RBFOX1: variants seen among roughly 807,000 people sequenced by gnomAD.
RBFOX1 encodes RNA binding protein fox-1 homolog 1.
A neutral mutation model predicts 57.7 loss-of-function variants in RBFOX1; 8 were observed. The ratio of observed to expected loss-of-function variants is 0.14; its 90% confidence interval spans 0.08 to 0.25. The LOEUF is 0.25. RBFOX1 is among the 10% of genes least tolerant of loss of function. RBFOX1 has a pLI of 1.00. For synonymous variants in RBFOX1, 326 were observed against 222.4 expected (o/e 1.47, Z -4.15); for missense variants, 611 against 548.5 (o/e 1.11, Z -1.14).
At chr16:7,010,447 G>C (rs1045198000) in intron 3 of RBFOX1, among the ~76,000 whole-genome samples, 1 of 152,164 alleles carries the variant, frequency 6.6e-6, no homozygotes, top group African/African-American at 2.4e-5. Flanking sequence ...AGTTGACCGA[G>C]TCCGTGAGCA....
At chr16:6,904,869 T>C (rs2069428468) in intron 3 of RBFOX1, among the ~76,000 whole-genome samples, 1 of 152,102 alleles carries the variant, frequency 6.6e-6, no homozygotes, top group South Asian at 2.1e-4. Flanking sequence ...GGGTGAAGTT[T>C]CTCTCTATTA....
At chr16:5,670,568 T>C (rs986967450) in intron 3 of RBFOX1, among the ~76,000 whole-genome samples, 8 of 152,222 alleles carry the variant, frequency 5.3e-5, no homozygotes, top group Non-Finnish European at 1.2e-4. Context: ...TGATACTGCC[T>C]GAGGTCCTGG....
rs71394324 is a variant in RBFOX1 at position 7,589,912 on chromosome 16, G to GGGGTGTGTGT, written c.468+2613_468+2614insGGTGTGTGTG. Reference sequence around the variant, plus strand: ...TCAATGCTGAAGGCTGTGTGTGCTGGGTGTGTGTGTGTGTGTGTGTGTGTG... The same window carrying GGGGTGTGTGT: ...TCAATGCTGAAGGCTGTGTGTGCTGGGGGTGTGTGTGTGTGTGTGTGTGTGTGTGTGTGTG... On this transcript the variant is annotated intron_variant, in intron 7 of 15. Coordinates refer to ENST00000550418, the MANE Select transcript of RBFOX1 (RefSeq NM_018723.4). Among the ~76,000 whole-genome samples, 10 of 135,054 alleles carry GGGGTGTGTGT rather than the reference G, an allele frequency of 7.4e-5. No homozygotes were observed. In the East Asian group the frequency reaches 8.9e-4, roughly 12 times the overall value. The allele number at this position is 135,054 out of a possible 152,430, so 88.6% of individuals were successfully genotyped here.
At chr16:6,426,411 C>G (rs549185256) in intron 2 of RBFOX1, among the ~76,000 whole-genome samples, 1 of 151,868 alleles carries the variant, frequency 6.6e-6, no homozygotes, top group East Asian at 1.9e-4. Context: ...ATGCAGAGGA[C>G]AAGAGGAGGG....
At chr16:6,753,694 C>A (rs2075328559) in intron 3 of RBFOX1, among the ~76,000 whole-genome samples, 2 of 151,278 alleles carry the variant, frequency 1.3e-5, no homozygotes, top group Non-Finnish European at 2.9e-5. Context: ...AAGCCTCGTG[C>A]CCTCCTCCTG....
intron 3 of RBFOX1, among the ~76,000 whole-genome samples, chr16:5,772,458 C>T (rs1241870252): frequency 2.6e-5 from 4 of 152,228 alleles, no homozygotes; most frequent in South Asian, 4.1e-4. Flanking sequence ...ACCTCTTCTG[C>T]ACTCTTGAGT....
At chr16:5,907,721 T>TATCATCATCATC (rs34447124) in intron 4 of RBFOX1, among the ~76,000 whole-genome samples, 9 of 146,116 alleles carry the variant, frequency 6.2e-5, no homozygotes, top group African/African-American at 5.2e-5. Flanking sequence ...GGAGACTATT[T>TATCATCATCATC]ATCATCATCA....
At chr16:7,225,674 C>G (rs537646212) in intron 4 of RBFOX1, among the ~76,000 whole-genome samples, 1 of 141,560 alleles carries the variant, frequency 7.1e-6, no homozygotes, top group African/African-American at 2.7e-5. Context: ...TTAGGTGGCA[C>G]GGGACAGAAA....
chr16:7,660,213 A>G (rs2067362277), intron 12 of RBFOX1, among the ~76,000 whole-genome samples: 1 of 152,186 alleles, frequency 6.6e-6, no homozygotes, highest in Non-Finnish European at 1.5e-5. Context: ...CAAATATTTA[A>G]CTACTGGTAT....
chr16:6,849,960 C>G lies in RBFOX1; in HGVS notation c.-16+195310C>G, dbSNP rs551680587. ...TGGATTAGAAAGCTGGAGACTTTGT[C>G]TTTGAATCTTGCAATACTGTTGATT... On this transcript the variant is annotated intron_variant, in intron 3 of 15. Coordinates refer to ENST00000550418, the MANE Select transcript of RBFOX1 (RefSeq NM_018723.4). Among the ~76,000 whole-genome samples the G allele has an allele frequency of 5.3e-5, 8 of 152,264 alleles. No individual in the cohort carries two copies. In the East Asian group the frequency reaches 1.4e-3, roughly 26 times the overall value.
chr16:6,296,336 C>T (rs1331126007), intron 1 of RBFOX1, among the ~76,000 whole-genome samples: 2 of 152,160 alleles, frequency 1.3e-5, no homozygotes, highest in East Asian at 3.9e-4. Context: ...TTTTCTCTAG[C>T]AGCCTCACTA....
intron 5 of RBFOX1, among the ~76,000 whole-genome samples, chr16:7,540,025 A>G (rs987677726): frequency 2.0e-5 from 3 of 152,200 alleles, no homozygotes; most frequent in Admixed American, 2.0e-4. Flanking sequence ...AAGGTGCCCT[A>G]TAAATTGTAG....
intron 4 of RBFOX1, among the ~76,000 whole-genome samples, chr16:6,011,494 A>T (rs955078833): frequency 6.6e-6 from 1 of 151,980 alleles, no homozygotes; most frequent in Non-Finnish European, 1.5e-5. Flanking sequence ...AAATTTACTT[A>T]TTTTCCTCTG....
intron 4 of RBFOX1, among the ~76,000 whole-genome samples, chr16:7,242,356 C>T (rs73544861): frequency 0.011 from 1,717 of 152,280 alleles, 40 homozygotes; most frequent in African/African-American, 0.04. Context: ...CCTTCTGATG[C>T]AGACAGGTTG....
intron 4 of RBFOX1, among the ~76,000 whole-genome samples, chr16:7,453,700 T>C (rs1396400210): frequency 2.0e-5 from 3 of 152,258 alleles, no homozygotes; most frequent in African/African-American, 7.2e-5. Context: ...GGTGCCTGAG[T>C]GTAAGACAGC....
intron 3 of RBFOX1, among the ~76,000 whole-genome samples, chr16:7,044,243 G>A (rs1413529079): frequency 6.6e-6 from 1 of 152,078 alleles, no homozygotes; most frequent in Non-Finnish European, 1.5e-5. Flanking sequence ...GTAAACAAGT[G>A]GATTCCAAAC....
Position 5,993,324 on chromosome 16 carries a change from A to G in RBFOX1, c.351+125989A>G, listed in dbSNP as rs1274881608. Among the ~76,000 whole-genome samples the G allele has an allele frequency of 2.7e-5, 4 of 149,354 alleles. No individual in the cohort carries two copies. In the East Asian group the frequency reaches 7.9e-4, roughly 29 times the overall value. On this transcript the variant is annotated intron_variant, in intron 4 of 19. Coordinates refer to the RBFOX1 transcript ENST00000641259. ...AGAGAATGTGCCTGTTTGCCTGCCT[A>G]TTTGATAATGCTGTACGTGTGTGTG...
intron 2 of RBFOX1, among the ~76,000 whole-genome samples, chr16:6,501,291 T>TC (rs1451833899): frequency 1.9e-4 from 7 of 37,462 alleles, no homozygotes; most frequent in Non-Finnish European, 1.5e-4. Context: ...CCCTCCCCCC[T>TC]CCCCCCACCC....
chr16:5,325,499 A>C (rs1332730549), intron 1 of RBFOX1, among the ~76,000 whole-genome samples: 1 of 152,218 alleles, frequency 6.6e-6, no homozygotes, highest in African/African-American at 2.4e-5. Context: ...TATGAATTTT[A>C]ACACATATAT....
Sources: allele counts gnomAD v4.1 joint callset (sites outside exome capture counted in the v4.1 genomes callset), GRCh38; gene constraint gnomAD v4.1.1; transcripts MANE v1.5; gene names NCBI Gene and HGNC (gene_info 2026-07-23, HGNC 2026-07-21).